RRP12: variants seen among roughly 807,000 people sequenced by gnomAD.
The protein encoded by RRP12 is ribosomal RNA processing 12 homolog.
In RRP12, 78 loss-of-function variants were observed where a neutral mutation model predicts 157.3. That is an observed-to-expected ratio of 0.50 (90% CI 0.41 to 0.60). RRP12 has a LOEUF of 0.60. Among genes scored for constraint, RRP12 ranks in the 20% least tolerant of loss-of-function variants. The pLI is 0.00. For synonymous variants in RRP12, 726 were observed against 670.9 expected, an observed-to-expected ratio of 1.08 and a Z score of -1.27; for missense variants, 1,521 against 1,679.9, an observed-to-expected ratio of 0.91 and a Z score of 1.65.
At chr10:97,367,488 TAA>T (rs779822534) in intron 25 of RRP12, 1 of 276,360 alleles carries the variant, frequency 3.6e-6, no homozygotes, top group Non-Finnish European at 7.0e-6. Context: ...GCACAGAGGA[TAA>T]AGTGTTTGCT....
At chr10:97,362,772 C>G (rs1389525783) in intron 30 of RRP12, among the ~76,000 whole-genome samples, 2 of 152,198 alleles carry the variant, frequency 1.3e-5, no homozygotes, top group East Asian at 3.9e-4. Context: ...TGGATATGTA[C>G]TCAGCTCTTC....
chr10:97,387,941 CAAAAAAAAAAAAAA>C (rs56225985), intron 8 of RRP12: 6 of 98,810 alleles, frequency 6.1e-5, no homozygotes, highest in East Asian at 3.1e-4. Flanking sequence ...AACTCGGTCT[CAAAAAAAAAAAAAA>C]AAAAAAAAAA....
intron 10 of RRP12, among the ~76,000 whole-genome samples, chr10:97,383,005 G>A (rs6584126): frequency 0.38 from 57,497 of 151,950 alleles, 11,362 homozygotes; most frequent in African/African-American, 0.5. Context: ...CAAGTGATCT[G>A]CCCATCTCGG....
intron 31 of RRP12, 103 bp downstream of exon 31, chr10:97,360,443 G>T: frequency 1.1e-6 from 1 of 910,310 alleles, no homozygotes; most frequent in Non-Finnish European, 1.8e-6. Flanking sequence ...AGTGCAACCA[G>T]GCTGTGCACC....
chr10:97,397,056 T>C (rs1465607386), intron 2 of RRP12, among the ~76,000 whole-genome samples: 1 of 151,340 alleles, frequency 6.6e-6, no homozygotes, highest in Non-Finnish European at 1.5e-5. Flanking sequence ...TAAGCCACCA[T>C]GCCTGGCCTC....
intron 8 of RRP12, among the ~76,000 whole-genome samples, chr10:97,386,374 A>C (rs1246229572): frequency 6.6e-6 from 1 of 151,846 alleles, no homozygotes; most frequent in Non-Finnish European, 1.5e-5. Context: ...ATTTTTATAA[A>C]GACAGAGTCT....
intron 15 of RRP12, among the ~76,000 whole-genome samples, chr10:97,377,844 CAAAA>C (rs57212325): frequency 4.1e-5 from 2 of 48,796 alleles, no homozygotes; most frequent in Admixed American, 2.0e-4. Context: ...GACTTCATCT[CAAAA>C]AAAAAAAAAA....
chr10:97,373,882 G>A lies in RRP12; in HGVS notation c.1811C>T (p.Ala604Val), dbSNP rs369127861. The A allele has an allele frequency of 6.2e-7, 1 of 1,613,224 alleles. No homozygotes were observed. The highest frequency in any genetic ancestry group is 1.3e-5 in the African/African-American group (1 of 74,884). ...NTLKSKAMDLAQAGSTVESKI... is the reference protein window; with the variant it reads ...NTLKSKAMDLVQAGSTVESKI... The stretch of plus-strand genomic sequence containing the variant: ...AGATTCCACTGTGCTGCCTGCCTGA[G>A]CCAGGTCCATGGCTGCAGTGTGACA... The change falls in exon 16 of 34, where the codon GCT (alanine) becomes GTT (valine). Residue 604 changes from alanine to valine, a missense_variant. By Grantham distance (64) the Ala-to-Val change is moderately conservative. Transcript: ENST00000370992.
chr10:97,400,619 G>A, intron 1 of RRP12, 85 bp from the exon 2 acceptor site: 1 of 1,087,250 alleles, frequency 9.2e-7, no homozygotes, highest in Admixed American at 2.2e-5. Context: ...ACCAGCCCAG[G>A]CCAAATCTCC....
chr10:97,385,841 TC>T, intron 9 of RRP12, 53 bp downstream of exon 9: 2 of 1,340,488 alleles, frequency 1.5e-6, no homozygotes, highest in Non-Finnish European at 2.1e-6. Context: ...CAGCACAGCC[TC>T]CCAAGGCACC....
In RRP12 at chr10:97,401,098, G is replaced by C; in HGVS notation, c.134C>G (p.Pro45Arg). ...TCGGGTCTCAACCCAGCTACCTGAC[G>C]GCCGGCTGAAGAAGCGGCTGCGGGC... ...QAARSRFFSR[P>R]SGRSDLTVDA... is the part of the protein sequence containing the mutation. The change falls in exon 1 of 34, where the codon CCG becomes CGG. Residue 45 changes from proline (P) to arginine (R), a missense_variant. Physicochemically the swap from Pro to Arg is moderately radical, Grantham distance 103. Coordinates refer to ENST00000370992, the MANE Select transcript of RRP12 (RefSeq NM_015179.4). The C allele has an allele frequency of 2.5e-6, 4 of 1,613,346 alleles. No individual in the cohort carries two copies. Among genetic ancestry groups the C allele is most frequent in the Non-Finnish European group, 3.4e-6 (4 of 1,179,710 alleles).
At chr10:97,390,988 C>T (rs1249663992) in intron 4 of RRP12, 144 bp from the exon 5 acceptor site, 16 of 647,346 alleles carry the variant, frequency 2.5e-5, no homozygotes, top group Admixed American at 1.9e-4. Context: ...GAATAGGCAC[C>T]CACCTTATCA....
At chr10:97,367,920 C>T (rs1469217927) in intron 25 of RRP12, among the ~76,000 whole-genome samples, 1 of 151,998 alleles carries the variant, frequency 6.6e-6, no homozygotes, top group East Asian at 1.9e-4. Context: ...TTAGTACAGA[C>T]AGGGTTTTAC....
rs1335688095 is a variant in RRP12, at chr10:97,370,504, C to T, written c.2640G>A (p.Leu880=). The T allele has an allele frequency of 6.2e-7, 1 of 1,611,348 alleles. No homozygotes were observed. The highest frequency in any genetic ancestry group is 1.3e-5 in the African/African-American group (1 of 74,722). ...SVGARKNAFA[L]LVEMGHAFLR... ...GGAAAGCATGGCCCATCTCCACGAGCAGTGCAAAAGCGTTCTTCCGTGCGC... is the reference window on the plus strand; with the variant it reads ...GGAAAGCATGGCCCATCTCCACGAGTAGTGCAAAAGCGTTCTTCCGTGCGC... Residue 880 remains leucine, a synonymous_variant, in exon 23 of 34, where the codon CTG becomes CTA. Transcript: ENST00000370992.
chr10:97,375,195 G>A (rs1844271861), intron 15 of RRP12, among the ~76,000 whole-genome samples: 1 of 149,514 alleles, frequency 6.7e-6, no homozygotes, highest in African/African-American at 2.5e-5. Flanking sequence ...CTGGGCTCAA[G>A]AAATCCTCTT....
chr10:97,365,809 G>T, intron 29 of RRP12: 2 of 297,358 alleles, frequency 6.7e-6, no homozygotes, highest in Non-Finnish European at 6.3e-6. Context: ...GAGAAAGGAA[G>T]AGGAGGGGGA....
Position 97,370,972 on chromosome 10 carries a change from T to C in RRP12, c.2453A>G (p.Lys818Arg), listed in dbSNP as rs1456422106. The C allele has an allele frequency of 6.2e-7, 1 of 1,613,930 alleles. No homozygotes were observed. Among genetic ancestry groups the C allele is most frequent in the Non-Finnish European group, 8.5e-7 (1 of 1,180,008 alleles). Residue 818 changes from lysine to arginine, a missense_variant, in exon 21 of 34, where the codon AAG becomes AGG. Lys to Arg is a conservative substitution (Grantham distance 26). Transcript: ENST00000370992. ...LFVQSHLEDL[K>R]KTLLDSLRST... Reference sequence around the variant, plus strand: ...CCGCAGCGAGTCCAGCAGTGTCTTCTTCAGGTCCTCCAGGTGGCTCTGCAC... The same window carrying C: ...CCGCAGCGAGTCCAGCAGTGTCTTCCTCAGGTCCTCCAGGTGGCTCTGCAC...
At chr10:97,394,556 A>C (rs1158805457) in intron 3 of RRP12, among the ~76,000 whole-genome samples, 2 of 152,036 alleles carry the variant, frequency 1.3e-5, no homozygotes, top group East Asian at 3.9e-4. Flanking sequence ...AGCTTGGCTA[A>C]TTATTTTATT....
rs184278141 is a variant in RRP12, at chr10:97,394,964, G to A, written c.454-1204C>T. Reference sequence around the variant, plus strand: ...TCAAGACAAGCTTGGGCGACATGACGAAACTCTGTCTCTACTAAAAATACA... The same window carrying A: ...TCAAGACAAGCTTGGGCGACATGACAAAACTCTGTCTCTACTAAAAATACA... On this transcript the variant is annotated intron_variant, in intron 3 of 33. Transcript: ENST00000370992. 4.3e-3 allele frequency among the ~76,000 whole-genome samples: 655 copies of A among 151,642 alleles called. 2 individuals carry two copies. The highest frequency in any genetic ancestry group is 7.3e-3 in the Non-Finnish European group (494 of 67,936).
Sources: gnomAD v4.1 joint callset for allele counts (sites outside exome capture counted in the v4.1 genomes callset) on GRCh38, gnomAD v4.1.1 for gene constraint, MANE v1.5 for transcripts, NCBI Gene and HGNC (gene_info 2026-07-23, HGNC 2026-07-21) for gene names.